ALS2: variants seen among roughly 807,000 people sequenced by gnomAD.
The protein encoded by ALS2 is alsin Rho guanine nucleotide exchange factor ALS2.
In ALS2, 117 loss-of-function variants were observed where a neutral mutation model predicts 203.4. The observed-to-expected ratio is 0.58, with a 90% CI of 0.50 to 0.67. The LOEUF (loss-of-function observed/expected upper bound fraction) is 0.67, where lower values mean the gene tolerates loss of function less well. ALS2 is among the 30% of genes least tolerant of loss of function. ALS2 has a pLI of 0.00. For synonymous variants in ALS2, 718 were observed against 725.9 expected, an observed-to-expected ratio of 0.99 and a Z score of 0.17; for missense variants, 1,715 against 1,989.4, an observed-to-expected ratio of 0.86 and a Z score of 2.62.
chr2:201,762,486 A>G (rs1292964515), intron 3 of ALS2, among the ~76,000 whole-genome samples: 4 of 152,188 alleles, frequency 2.6e-5, no homozygotes, highest in Non-Finnish European at 1.5e-5. Flanking sequence ...TTTGGATTTC[A>G]GGTCCAGGTT....
intron 4 of ALS2, among the ~76,000 whole-genome samples, chr2:201,758,740 TATA>T (rs151309530): frequency 0.11 from 15,821 of 143,234 alleles, 887 homozygotes; most frequent in Middle Eastern, 0.15. Flanking sequence ...AAAATACAAA[TATA>T]ATGTGTGTGT....
intron 23 of ALS2, among the ~76,000 whole-genome samples, chr2:201,721,750 G>A (rs1173495090): frequency 6.6e-6 from 1 of 152,014 alleles, no homozygotes; most frequent in African/African-American, 2.4e-5. Flanking sequence ...TGCAAACTCC[G>A]CCTCCCAGGT....
chr2:201,761,163 G>C lies in ALS2; in HGVS notation c.831C>G (p.Ser277Arg), dbSNP rs1446679004. Residue 277 changes from serine to arginine, a missense_variant, in exon 4 of 34, where the codon AGC (serine) becomes AGG (arginine). Transcript: ENST00000264276. ...QAENHASTAL[S>R]PSTETLDRQE... The stretch of plus-strand genomic sequence containing the variant: ...GCCTGTCAAGGGTTTCAGTGGAGGG[G>C]CTGAGAGCAGTGCTGGCATGGTTTT... 5.6e-6 allele frequency: 9 copies of C among 1,614,208 alleles called. No individual in the cohort carries two copies. The East Asian group carries it at 2.0e-4, about 36-fold the overall frequency.
intron 4 of ALS2, among the ~76,000 whole-genome samples, chr2:201,758,759 C>CGCGT (rs74613232): frequency 0.54 from 70,987 of 131,888 alleles, 19,756 homozygotes; most frequent in Non-Finnish European, 0.66. Flanking sequence ...TGTGTGTGCG[C>CGCGT]ATGTGTGTGT....
In ALS2 at chr2:201,704,472, T is replaced by A. The variant is rs370296035; in HGVS notation, c.4820A>T (p.Tyr1607Phe). The A allele has an allele frequency of 8.1e-6, 13 of 1,613,946 alleles. No homozygotes were observed. Among genetic ancestry groups the A allele is most frequent in the African/African-American group, 1.3e-5 (1 of 74,886 alleles). ...SMDDLFPVFL[Y>F]VVLRARIRNL... ...CAGTTACCTGGCCCGTAGCACCACA[T>A]ATAAGAAAACAGGAAACAAGTCATC... Residue 1607 changes from tyrosine to phenylalanine, a missense_variant, in exon 32 of 34, where the codon TAT (tyrosine) becomes TTT (phenylalanine). Around this residue, in one of 3 missense-constraint regions of ALS2, gnomAD observed 1,227 missense variants for 1,413.5 expected, o/e 0.87. Coordinates refer to ENST00000264276, the MANE Select transcript of ALS2 (RefSeq NM_020919.4).
intron 9 of ALS2, among the ~76,000 whole-genome samples, chr2:201,744,678 T>C (rs566594382): frequency 1.3e-4 from 19 of 147,644 alleles, no homozygotes; most frequent in Non-Finnish European, 2.7e-4. Context: ...CATCAGTACA[T>C]CATTGTTATA....
intron 1 of ALS2, among the ~76,000 whole-genome samples, chr2:201,773,038 T>C (rs770015673): frequency 1.3e-5 from 2 of 151,898 alleles, no homozygotes; most frequent in Non-Finnish European, 2.9e-5. Flanking sequence ...ATTTTTGTAT[T>C]TTTAGTAGAG....
intron 13 of ALS2, among the ~76,000 whole-genome samples, chr2:201,731,236 G>A (rs1255472299): frequency 6.7e-6 from 1 of 150,090 alleles, no homozygotes; most frequent in African/African-American, 2.5e-5. Flanking sequence ...CTGCTAGAGT[G>A]CTAGGGAAAA....
intron 29 of ALS2, 22 bp downstream of exon 29, chr2:201,706,824 C>T (rs550794958): frequency 1.7e-5 from 27 of 1,613,384 alleles, no homozygotes; most frequent in South Asian, 1.6e-4. Context: ...CATTTGGTTG[C>T]GCTTGTAACT....
At chr2:201,759,785 T>G in intron 4 of ALS2, 1 of 985,286 alleles carries the variant, frequency 1.0e-6, no homozygotes, top group Non-Finnish European at 1.2e-6. Context: ...CAAGAGGCTA[T>G]GTGGTTTCAA....
At chr2:201,733,156 A>G in intron 13 of ALS2, 120 bp downstream of exon 13, 1 of 1,091,288 alleles carries the variant, frequency 9.2e-7, no homozygotes, top group Non-Finnish European at 1.3e-6. Flanking sequence ...AATTAAATTT[A>G]ATTAGACACA....
Position 201,744,296 on chromosome 2 carries a change from T to C in ALS2, c.2132A>G (p.Asp711Gly). Reference protein sequence around the residue: ...TERRFYSKLSDIKSQILRPLL... With the variant: ...TERRFYSKLSGIKSQILRPLL... Reference sequence around the variant, plus strand: ...AGGCCTGAGAATCTGAGATTTGATATCACTTAGTTTTGAATAGAATCGTCT... The same window carrying C: ...AGGCCTGAGAATCTGAGATTTGATACCACTTAGTTTTGAATAGAATCGTCT... The change falls in exon 10 of 34, where the codon GAT (aspartate) becomes GGT (glycine). Residue 711 changes from aspartate (D) to glycine (G), a missense_variant. By Grantham distance (94) the Asp-to-Gly change is moderately conservative. Transcript: ENST00000264276. The C allele has an allele frequency of 6.2e-7, 1 of 1,614,150 alleles. No homozygotes were observed. Among genetic ancestry groups the C allele is most frequent in the Non-Finnish European group, 8.5e-7 (1 of 1,180,024 alleles).
chr2:201,761,527 G>T lies in ALS2; in HGVS notation c.467C>A (p.Ala156Glu). ...PLLAVRILQL[A>E]CGEEHTLALS... ...TGCCAGAGTGTGCTCCTCGCCACACGCCAACTGTAAAATCCTGACTGCTAA... is the reference window on the plus strand; with the variant it reads ...TGCCAGAGTGTGCTCCTCGCCACACTCCAACTGTAAAATCCTGACTGCTAA... Residue 156 changes from alanine (A) to glutamate (E), a missense_variant, in exon 4 of 34, where the codon GCG becomes GAG. Transcript: ENST00000264276. The T allele has an allele frequency of 6.2e-7, 1 of 1,614,048 alleles. No individual in the cohort carries two copies. Among genetic ancestry groups the T allele is most frequent in the Non-Finnish European group, 8.5e-7 (1 of 1,179,964 alleles).
rs1694886538 is a variant in ALS2 at position 201,780,872 on chromosome 2, C to T, written c.-61+5G>A. 6.5e-6 allele frequency: 1 copy of T among 152,776 alleles called. No homozygotes were observed. The highest frequency in any genetic ancestry group is 2.4e-5 in the African/African-American group (1 of 41,478). 9.5% of individuals were successfully genotyped at this position (152,776 alleles called of 1,614,324 possible). ...ATAGCCAACCCGGGACCCACACTCG[C>T]TCACCTGAAGCTCCACCGGCAGCAC... On this transcript the variant is annotated splice_donor_5th_base_variant and intron_variant, in intron 1 of 33. Transcript: ENST00000264276.
chr2:201,712,772 A>AAT lies in ALS2; in HGVS notation c.4005-1665_4005-1664insAT, dbSNP rs397708108. Among the ~76,000 whole-genome samples, 45 of 150,576 alleles carry AAT rather than the reference A, an allele frequency of 3.0e-4. No individual in the cohort carries two copies. In the East Asian group the frequency reaches 8.6e-3, roughly 29 times the overall value. ...AGAAAAGAAAAAAAAAAAGAAAAGA[A>AAT]GGTGAAAAAGAAAATTTTAAAAAGG... On this transcript the variant is annotated intron_variant, in intron 25 of 33. Coordinates refer to ENST00000264276, the MANE Select transcript of ALS2 (RefSeq NM_020919.4).
chr2:201,727,568 T>G, intron 16 of ALS2, 137 bp downstream of exon 16: 1 of 781,174 alleles, frequency 1.3e-6, no homozygotes, highest in Non-Finnish European at 2.2e-6. Flanking sequence ...TACTGTCTAA[T>G]GTGCTGAGAG....
intron 1 of ALS2, chr2:201,778,312 G>A (rs918942664): frequency 6.6e-6 from 1 of 152,154 alleles, no homozygotes; most frequent in African/African-American, 2.4e-5. Flanking sequence ...GCAGCTAAGC[G>A]AAACTCTGCC....
intron 1 of ALS2, among the ~76,000 whole-genome samples, chr2:201,774,216 C>T (rs114463658): frequency 9.1e-4 from 138 of 152,150 alleles, no homozygotes; most frequent in African/African-American, 3.1e-3. Flanking sequence ...GTCCTGGATA[C>T]AAGGATGATG....
chr2:201,772,872 T>C (rs369711112), intron 1 of ALS2, among the ~76,000 whole-genome samples: 37 of 106,110 alleles, frequency 3.5e-4, no homozygotes, highest in African/African-American at 6.0e-4. Context: ...TTTTTTTTTT[T>C]CATTTTTGAG....
Sources: allele counts gnomAD v4.1 joint callset (sites outside exome capture counted in the v4.1 genomes callset), GRCh38; gene constraint gnomAD v4.1.1; regional missense constraint gnomAD v4.1.1; transcripts MANE v1.5; gene names NCBI Gene and HGNC (gene_info 2026-07-23, HGNC 2026-07-21).